The following CALN1 variants were observed in gnomAD, a reference collection of about 807,000 sequenced individuals.
CALN1 encodes the protein calcium-binding protein 8.
A neutral mutation model predicts 30.6 loss-of-function variants in CALN1; 17 were observed. That is an observed-to-expected ratio of 0.56 (90% CI 0.38 to 0.83). The LOEUF is 0.83. Among genes scored for constraint, CALN1 ranks in the 40% least tolerant of loss-of-function variants. CALN1 has a pLI of 0.00. For missense variants in CALN1, 291 were observed against 354.9 expected (o/e 0.82, Z 1.45); for synonymous variants, 156 against 131.4 (o/e 1.19, Z -1.28).
At chr7:72,148,350 T>G (rs1786937158) in intron 3 of CALN1, among the ~76,000 whole-genome samples, 1 of 147,194 alleles carries the variant, frequency 6.8e-6, no homozygotes, top group Non-Finnish European at 1.5e-5. Context: ...GGAGGATCAC[T>G]TGAGCCCAGG....
chr7:72,386,474 A>G (rs1430718504), intron 2 of CALN1, among the ~76,000 whole-genome samples: 1 of 152,218 alleles, frequency 6.6e-6, no homozygotes, highest in African/African-American at 2.4e-5. Context: ...AACAATTCTG[A>G]TATTACTGTA....
chr7:72,374,234 G>A (rs576020046), intron 2 of CALN1, among the ~76,000 whole-genome samples: 1 of 152,272 alleles, frequency 6.6e-6, no homozygotes, highest in East Asian at 1.9e-4. Flanking sequence ...TTCTTCTATT[G>A]AAATGTTTAG....
intron 6 of CALN1, among the ~76,000 whole-genome samples, chr7:71,797,390 T>A (rs1786993891): frequency 6.6e-6 from 1 of 152,174 alleles, no homozygotes; most frequent in Non-Finnish European, 1.5e-5. Context: ...TATGATTCTA[T>A]GAAATTGGCT....
intron 5 of CALN1, among the ~76,000 whole-genome samples, chr7:71,821,029 C>A (rs957436622): frequency 1.3e-5 from 2 of 152,092 alleles, no homozygotes; most frequent in African/African-American, 4.8e-5. Flanking sequence ...AAAGGCTACA[C>A]GTTAAATTTT....
intron 2 of CALN1, among the ~76,000 whole-genome samples, chr7:72,319,214 G>C (rs538519691): frequency 6.6e-6 from 1 of 152,302 alleles, no homozygotes; most frequent in South Asian, 2.1e-4. Flanking sequence ...TCATGCTGCT[G>C]ATAAACACAT....
chr7:72,501,776 G>A, the CALN1 span, among the ~76,000 whole-genome samples: 1 of 150,258 alleles, frequency 6.7e-6, no homozygotes, highest in South Asian at 2.1e-4. Context: ...GGGCGTGGTG[G>A]TGGGCGCCTG....
chr7:72,008,504 GGAAAT>G (rs996564209), intron 5 of CALN1, among the ~76,000 whole-genome samples: 5 of 151,428 alleles, frequency 3.3e-5, no homozygotes, highest in African/African-American at 1.2e-4. Context: ...GCAAGAGAAG[GGAAAT>G]GAAGAGAAAA....
chr7:72,196,088 T>A (rs1368849976), intron 3 of CALN1, among the ~76,000 whole-genome samples: 1 of 151,754 alleles, frequency 6.6e-6, no homozygotes, highest in Non-Finnish European at 1.5e-5. Flanking sequence ...GAGGAGTGAA[T>A]GCTAAGGGGT....
chr7:71,941,164 T>C (rs1013999700), intron 5 of CALN1, among the ~76,000 whole-genome samples: 1 of 151,066 alleles, frequency 6.6e-6, no homozygotes, highest in Non-Finnish European at 1.5e-5. Context: ...CTGGCCAACA[T>C]GGTGAAAACC....
chr7:71,875,322 A>G (rs1287156250), intron 5 of CALN1, among the ~76,000 whole-genome samples: 1 of 152,194 alleles, frequency 6.6e-6, no homozygotes, highest in Non-Finnish European at 1.5e-5. Context: ...GGTCACACCC[A>G]AGTTTGCCAC....
At chr7:71,939,098 A>C (rs1795991184) in intron 5 of CALN1, among the ~76,000 whole-genome samples, 1 of 152,150 alleles carries the variant, frequency 6.6e-6, no homozygotes. Context: ...GGGCAGACTA[A>C]AGACAGCATG....
intron 5 of CALN1, among the ~76,000 whole-genome samples, chr7:71,893,506 C>T (rs1793368823): frequency 6.6e-6 from 1 of 152,100 alleles, no homozygotes; most frequent in African/African-American, 2.4e-5. Context: ...GCCTGGCCAA[C>T]ATGGCGAAAC....
chr7:72,400,491 C>G (rs1806266860), intron 2 of CALN1, among the ~76,000 whole-genome samples: 1 of 152,192 alleles, frequency 6.6e-6, no homozygotes, highest in Non-Finnish European at 1.5e-5. Flanking sequence ...GGCATTGCTC[C>G]TTCTCTGACA....
chr7:71,835,307 C>T (rs889211670), intron 5 of CALN1, among the ~76,000 whole-genome samples: 1 of 152,182 alleles, frequency 6.6e-6, no homozygotes, highest in African/African-American at 2.4e-5. Flanking sequence ...GTTTGTCTTA[C>T]CAAATCATAC....
At chr7:71,958,480 C>G (rs905771960) in intron 5 of CALN1, among the ~76,000 whole-genome samples, 12 of 152,120 alleles carry the variant, frequency 7.9e-5, no homozygotes, top group African/African-American at 2.9e-4. Flanking sequence ...CCTTATTGGT[C>G]CTTCACAAAG....
At chr7:71,889,011 T>A (rs151297306) in intron 5 of CALN1, among the ~76,000 whole-genome samples, 1 of 152,180 alleles carries the variant, frequency 6.6e-6, no homozygotes, top group Admixed American at 6.5e-5. Flanking sequence ...AGGAACAACT[T>A]GGGGTACCAG....
chr7:72,377,054 A>C (rs1033618803), intron 2 of CALN1, among the ~76,000 whole-genome samples: 4 of 152,166 alleles, frequency 2.6e-5, no homozygotes, highest in African/African-American at 9.7e-5. Context: ...ATATATTTTT[A>C]TACTTATGCC....
At chr7:72,314,807 ATATTT>A (rs1585454911) in intron 2 of CALN1, among the ~76,000 whole-genome samples, 1 of 150,756 alleles carries the variant, frequency 6.6e-6, no homozygotes, top group East Asian at 1.9e-4. Flanking sequence ...CAAAACTTAA[ATATTT>A]AAAAAGAAAT....
rs1348587705 is a variant in CALN1, at chr7:71,811,696, G to A, written c.502-1204C>T. On this transcript the variant is annotated intron_variant, in intron 5 of 6. Transcript: ENST00000395275. ...TTTTTCTTTTTTTTTTTTTTTTTCCGAAATGGAGTCTTGCTTCCATCTCGC... is the reference window on the plus strand; with the variant it reads ...TTTTTCTTTTTTTTTTTTTTTTTCCAAAATGGAGTCTTGCTTCCATCTCGC... Among the ~76,000 whole-genome samples, 7 of 134,518 alleles carry A rather than the reference G, an allele frequency of 5.2e-5. 1 individual carries two copies. Among genetic ancestry groups the A allele is most frequent in the Admixed American group, 2.4e-4 (3 of 12,512 alleles). 88.2% of individuals were successfully genotyped at this position (134,518 alleles called of 152,430 possible). A position where few individuals can be genotyped will look rare whatever the true frequency, so the allele number is the denominator to read the frequency against.
Sources: allele counts gnomAD v4.1 joint callset (sites outside exome capture counted in the v4.1 genomes callset), GRCh38; gene constraint gnomAD v4.1.1; transcripts MANE v1.5; gene names NCBI Gene and HGNC (gene_info 2026-07-23, HGNC 2026-07-21).